KIF1B: variants seen among roughly 807,000 people sequenced by gnomAD.
The protein encoded by KIF1B is kinesin family member 1B, also known as kinesin-like protein KIF1B.
A neutral mutation model predicts 241.9 loss-of-function variants in KIF1B; 76 were observed. The observed-to-expected ratio is 0.31, with a 90% CI of 0.26 to 0.38. The LOEUF (loss-of-function observed/expected upper bound fraction) is 0.38, where lower values mean the gene tolerates loss of function less well. Among genes scored for constraint, KIF1B ranks in the 10% least tolerant of loss-of-function variants. KIF1B has a pLI of 1.00. For missense variants in KIF1B, 1,622 were observed against 2,271.4 expected, an observed-to-expected ratio of 0.71 and a Z score of 5.81; for synonymous variants, 750 against 796.7, an observed-to-expected ratio of 0.94 and a Z score of 0.99.
At chr1:10,231,818 G>C (rs761246701) in intron 1 of KIF1B, among the ~76,000 whole-genome samples, 3 of 152,196 alleles carry the variant, frequency 2.0e-5, no homozygotes, top group Admixed American at 6.5e-5. Flanking sequence ...AACACACACA[G>C]AGAGAGAGAT....
At chr1:10,244,951 C>T (rs528882987) in intron 2 of KIF1B, among the ~76,000 whole-genome samples, 1 of 152,256 alleles carries the variant, frequency 6.6e-6, no homozygotes, top group East Asian at 1.9e-4. Flanking sequence ...GCTTTTAGAG[C>T]GGAAGATTGT....
In KIF1B at chr1:10,380,792, AGTT is replaced by A. The variant is rs1639002505; in HGVS notation, c.*4209_*4211del. 1 of 218,990 alleles carries A rather than the reference AGTT, an allele frequency of 4.6e-6. No homozygotes were observed. Among genetic ancestry groups the A allele is most frequent in the South Asian group, 1.9e-4 (1 of 5,394 alleles). 13.6% of individuals were successfully genotyped at this position (218,990 alleles called of 1,614,324 possible). ...TAGGACTCTAACTTGTGTGCACTAC[AGTT>A]GTTCACCAGGGCCAGTGATTCACCC... On this transcript the variant is annotated 3_prime_UTR_variant, in exon 49 of 49. Transcript: ENST00000676179.
intron 2 of KIF1B, among the ~76,000 whole-genome samples, chr1:10,239,995 T>C (rs1325605688): frequency 2.0e-5 from 3 of 152,126 alleles, no homozygotes; most frequent in Non-Finnish European, 4.4e-5. Context: ...CTTGGTCTCC[T>C]GACCTCGTGA....
intron 1 of KIF1B, among the ~76,000 whole-genome samples, chr1:10,219,780 T>TA (rs1425947982): frequency 1.3e-5 from 2 of 149,362 alleles, no homozygotes. Flanking sequence ...AATAAAGACT[T>TA]ACTAGGGCTG....
At chr1:10,328,756 C>T (rs929492551) in intron 27 of KIF1B, among the ~76,000 whole-genome samples, 2 of 152,190 alleles carry the variant, frequency 1.3e-5, no homozygotes, top group Admixed American at 1.3e-4. Flanking sequence ...AGAAGCCTGA[C>T]CTAATTGTCA....
At chr1:10,308,801 AGT>A (rs552817966) in intron 22 of KIF1B, among the ~76,000 whole-genome samples, 17 of 152,210 alleles carry the variant, frequency 1.1e-4, no homozygotes, top group Non-Finnish European at 2.1e-4. Context: ...TTCTATCTTA[AGT>A]GAGATCTTTC....
At chr1:10,259,588 C>T (rs1174951906) in intron 4 of KIF1B, among the ~76,000 whole-genome samples, 1 of 151,604 alleles carries the variant, frequency 6.6e-6, no homozygotes, top group African/African-American at 2.4e-5. Context: ...CTGCAACCTC[C>T]GCCTCCTGGG....
In KIF1B at chr1:10,276,394, T is replaced by C; in HGVS notation, c.1032T>C (p.Thr344=). The C allele has an allele frequency of 6.2e-7, 1 of 1,612,516 alleles. No individual in the cohort carries two copies. The highest frequency in any genetic ancestry group is 1.3e-5 in the African/African-American group (1 of 75,012). The change falls in exon 12 of 49, where the codon ACT becomes ACC. Residue 344 remains threonine, a synonymous_variant. Coordinates refer to ENST00000676179, the MANE Select transcript of KIF1B (RefSeq NM_001365951.3). ...ADINYDETLS[T]LRYADRAKQI... The stretch of plus-strand genomic sequence containing the variant: ...TCAACTACGATGAGACTTTGAGCAC[T>C]CTGAGGTACTTTCTTTTGATCTCAG...
intron 33 of KIF1B, among the ~76,000 whole-genome samples, chr1:10,342,869 G>A (rs1652452694): frequency 1.3e-5 from 2 of 152,144 alleles, no homozygotes; most frequent in South Asian, 2.1e-4. Context: ...GAATTAGAAA[G>A]CGATGGTAAT....
rs78081656 is a variant in KIF1B, at chr1:10,330,407, A to G, written c.2924+4048A>G. 2.2e-3 allele frequency among the ~76,000 whole-genome samples: 340 copies of G among 152,310 alleles called. 1 individual carries two copies. Among genetic ancestry groups the G allele is most frequent in the African/African-American group, 7.8e-3 (324 of 41,560 alleles). On this transcript the variant is annotated intron_variant, in intron 27 of 48. Coordinates refer to ENST00000676179, the MANE Select transcript of KIF1B (RefSeq NM_001365951.3). ...TTGGACTAGCCATTGCCATAGGCAG[A>G]AAGGCAATCTCATCTTTACTGTGTG... is the stretch of plus-strand genomic sequence containing the variant.
chr1:10,329,186 TCTAAC>T (rs1651829715), intron 27 of KIF1B, among the ~76,000 whole-genome samples: 1 of 152,228 alleles, frequency 6.6e-6, no homozygotes, highest in Admixed American at 6.5e-5. Context: ...GTTCCCAAGT[TCTAAC>T]CTTGCAAGAA....
intron 2 of KIF1B, among the ~76,000 whole-genome samples, chr1:10,250,481 G>C (rs1468641693): frequency 1.3e-5 from 2 of 151,954 alleles, no homozygotes; most frequent in Admixed American, 6.6e-5. Context: ...TGGGGTTACA[G>C]GTGCCCACCA....
chr1:10,343,182 AAAAT>A (rs761139116), intron 33 of KIF1B, 46 bp from the exon 34 acceptor site: 3 of 1,599,142 alleles, frequency 1.9e-6, no homozygotes, highest in African/African-American at 2.7e-5. Context: ...GAGAATTTCT[AAAAT>A]AAATAACTCT....
In KIF1B at chr1:10,374,791, G is replaced by T; in HGVS notation, c.5097-63G>T. The T allele has an allele frequency of 6.7e-7, 1 of 1,490,778 alleles. No individual in the cohort carries two copies. Among genetic ancestry groups the T allele is most frequent in the Non-Finnish European group, 9.4e-7 (1 of 1,069,468 alleles). The allele number at this position is 1,490,778 out of a possible 1,614,324, so 92.3% of individuals were successfully genotyped here. On this transcript the variant is annotated intron_variant, in intron 46 of 48. Coordinates refer to ENST00000676179, the MANE Select transcript of KIF1B (RefSeq NM_001365951.3). The surrounding 1 kb of genome is among the most constrained non-coding windows in gnomAD (Gnocchi z 4.3). ...TGGCCTAAGTGTGGCGTATTTTGAT[G>T]GTCCTCAGCACGATTATTTTCTTTT...
chr1:10,278,781 AGT>A, intron 13 of KIF1B: 1 of 284,142 alleles, frequency 3.5e-6, no homozygotes. Context: ...AGTTCTCTTA[AGT>A]GAGTAAAATG....
At chr1:10,304,636 A>G in intron 22 of KIF1B, 1 of 1,613,910 alleles carries the variant, frequency 6.2e-7, no homozygotes, top group Non-Finnish European at 8.5e-7. Flanking sequence ...TGGTCGAGAA[A>G]CCACAGTATA....
intron 22 of KIF1B, chr1:10,306,790 T>C (rs1359386562): frequency 6.3e-6 from 4 of 636,658 alleles, no homozygotes; most frequent in Middle Eastern, 7.1e-4. Context: ...AAAAAGGTAA[T>C]ATTTATTATA....
chr1:10,334,312 G>C (rs545229154), intron 27 of KIF1B, among the ~76,000 whole-genome samples: 8 of 152,230 alleles, frequency 5.3e-5, no homozygotes, highest in Non-Finnish European at 1.0e-4. Flanking sequence ...GTTGGTCTTC[G>C]TCAACAGTTC....
chr1:10,240,653 T>A (rs1647122995), intron 2 of KIF1B, among the ~76,000 whole-genome samples: 1 of 152,134 alleles, frequency 6.6e-6, no homozygotes, highest in Admixed American at 6.6e-5. Context: ...ATATATCCAT[T>A]ACTTTCAATA....
Sources: gnomAD v4.1 joint callset for allele counts (sites outside exome capture counted in the v4.1 genomes callset) on GRCh38, gnomAD v4.1.1 for gene constraint, Gnocchi (gnomAD v3.1) non-coding constraint, MANE v1.5 for transcripts, NCBI Gene and HGNC (gene_info 2026-07-23, HGNC 2026-07-21) for gene names.